The following APBB2 variants were observed in gnomAD, a reference collection of about 807,000 sequenced individuals.
APBB2 encodes amyloid beta precursor protein binding family B member 2, also known as Fe65-like 1.
In APBB2, 38 loss-of-function variants were observed where a neutral mutation model predicts 82.5. The ratio of observed to expected loss-of-function variants is 0.46; its 90% CI spans 0.36 to 0.60. APBB2 has a LOEUF of 0.60. APBB2 is among the 20% of genes least tolerant of loss of function. The pLI is 0.00. For missense variants in APBB2, 772 were observed against 972.3 expected (o/e 0.79, Z 2.74); for synonymous variants, 341 against 368.2 (o/e 0.93, Z 0.85).
intron 4 of APBB2, among the ~76,000 whole-genome samples, chr4:41,062,715 C>T (rs1471113980): frequency 6.6e-6 from 1 of 152,116 alleles, no homozygotes; most frequent in African/African-American, 2.4e-5. Flanking sequence ...TCTCCCTCCA[C>T]CAGAAAAAAG....
intron 6 of APBB2, among the ~76,000 whole-genome samples, chr4:40,997,829 A>T (rs1804063552): frequency 6.6e-6 from 1 of 152,148 alleles, no homozygotes; most frequent in Non-Finnish European, 1.5e-5. Flanking sequence ...AAAATTATTA[A>T]TTTTATTAAA....
intron 5 of APBB2, among the ~76,000 whole-genome samples, chr4:41,025,368 G>A (rs968665983): frequency 1.3e-5 from 2 of 152,046 alleles, no homozygotes; most frequent in Non-Finnish European, 2.9e-5. Context: ...AGATGCTGGT[G>A]AGATTGCGGA....
intron 1 of APBB2, among the ~76,000 whole-genome samples, chr4:41,202,601 C>A (rs937432001): frequency 3.3e-5 from 5 of 151,994 alleles, no homozygotes; most frequent in Non-Finnish European, 7.4e-5. Context: ...TGGCTTTATG[C>A]AAACAAATTT....
chr4:41,048,818 G>A (rs1432084435), intron 4 of APBB2, among the ~76,000 whole-genome samples: 4 of 149,116 alleles, frequency 2.7e-5, no homozygotes, highest in East Asian at 1.9e-4. Context: ...GATTGCAGGC[G>A]CGCGCTGCCA....
At chr4:40,978,806 A>AT (rs1797799921) in intron 6 of APBB2, among the ~76,000 whole-genome samples, 1 of 152,222 alleles carries the variant, frequency 6.6e-6, no homozygotes, top group South Asian at 2.1e-4. Flanking sequence ...TTCAGTTAGT[A>AT]ACTAATTCGT....
In APBB2 at chr4:40,828,982, G is replaced by A. The variant is rs1750922755; in HGVS notation, c.1644+1481C>T. Among the ~76,000 whole-genome samples the A allele has an allele frequency of 5.3e-5, 8 of 152,272 alleles. No individual in the cohort carries two copies. The South Asian group carries it at 1.7e-3, about 32-fold the overall frequency. On this transcript the variant is annotated intron_variant, in intron 13 of 17. Transcript: ENST00000508593. Reference sequence around the variant, plus strand: ...GTCTTGACGGCTCAGGAAGAATTGTGGGAGTGAGGCTGGGTTATGATGTCA... The same window carrying A: ...GTCTTGACGGCTCAGGAAGAATTGTAGGAGTGAGGCTGGGTTATGATGTCA...
chr4:40,819,668 C>T (rs1747123235), intron 17 of APBB2, among the ~76,000 whole-genome samples: 1 of 152,070 alleles, frequency 6.6e-6, no homozygotes, highest in South Asian at 2.1e-4. Context: ...CCTCTCCTGT[C>T]CTGAAATAAA....
At chr4:41,160,525 G>A (rs369435531) in intron 1 of APBB2, among the ~76,000 whole-genome samples, 17 of 152,136 alleles carry the variant, frequency 1.1e-4, no homozygotes, top group Admixed American at 7.9e-4. Flanking sequence ...TTCAAGATAC[G>A]GCTCCACCAC....
intron 12 of APBB2, among the ~76,000 whole-genome samples, chr4:40,882,517 G>C (rs755272715): frequency 6.6e-6 from 1 of 152,246 alleles, no homozygotes; most frequent in Non-Finnish European, 1.5e-5. Context: ...ACTGGATTCA[G>C]AACTGATGCA....
chr4:40,937,016 G>A (rs1312527556), intron 7 of APBB2, among the ~76,000 whole-genome samples: 1 of 152,174 alleles, frequency 6.6e-6, no homozygotes, highest in African/African-American at 2.4e-5. Context: ...GATGTGAGAT[G>A]AGGACCTGAA....
chr4:41,095,872 T>A (rs140163464), intron 3 of APBB2, among the ~76,000 whole-genome samples: 35 of 152,330 alleles, frequency 2.3e-4, no homozygotes, highest in African/African-American at 7.9e-4. Flanking sequence ...TGGATGGCTA[T>A]TTATTGTTTA....
At chr4:40,881,885 A>G (rs1768727925) in intron 12 of APBB2, among the ~76,000 whole-genome samples, 1 of 152,060 alleles carries the variant, frequency 6.6e-6, no homozygotes, top group Non-Finnish European at 1.5e-5. Context: ...CCTTTATCAC[A>G]GACAATTTCT....
chr4:41,182,276 A>C (rs1398630567), intron 1 of APBB2, among the ~76,000 whole-genome samples: 1 of 152,180 alleles, frequency 6.6e-6, no homozygotes, highest in Non-Finnish European at 1.5e-5. Flanking sequence ...AAGATCACCA[A>C]TGACCTCCAT....
chr4:40,850,387 C>A (rs1181801907), intron 12 of APBB2, among the ~76,000 whole-genome samples: 1 of 152,188 alleles, frequency 6.6e-6, no homozygotes, highest in African/African-American at 2.4e-5. Flanking sequence ...TGTAGAAATA[C>A]CCCAAAGACC....
intron 10 of APBB2, among the ~76,000 whole-genome samples, chr4:40,929,247 GGAAA>G (rs1445679353): frequency 1.3e-5 from 2 of 152,038 alleles, no homozygotes; most frequent in Non-Finnish European, 2.9e-5. Flanking sequence ...AGCCAGGAAT[GGAAA>G]GAAAGAGAGT....
chr4:41,000,087 G>GTA (rs1804793825), intron 6 of APBB2, among the ~76,000 whole-genome samples: 1 of 140,526 alleles, frequency 7.1e-6, no homozygotes, highest in South Asian at 2.3e-4. Flanking sequence ...GTGTGTGTGT[G>GTA]TGTGTGTGTG....
intron 7 of APBB2, among the ~76,000 whole-genome samples, chr4:40,942,879 G>A (rs1050501183): frequency 2.1e-4 from 32 of 152,290 alleles, no homozygotes; most frequent in African/African-American, 7.0e-4. Flanking sequence ...CCCAAATCAC[G>A]GAAACAAAAG....
chr4:40,956,459 G>C (rs941995077), intron 6 of APBB2, among the ~76,000 whole-genome samples: 1 of 152,178 alleles, frequency 6.6e-6, no homozygotes. Flanking sequence ...TGGAGGGGAG[G>C]AAAGCCTGCC....
intron 6 of APBB2, among the ~76,000 whole-genome samples, chr4:40,976,781 G>A (rs1458444931): frequency 2.0e-5 from 3 of 152,156 alleles, no homozygotes; most frequent in Non-Finnish European, 4.4e-5. Flanking sequence ...GCTCATGCCT[G>A]TAATTCCAGC....
Sources: allele counts gnomAD v4.1 joint callset (sites outside exome capture counted in the v4.1 genomes callset), GRCh38; gene constraint gnomAD v4.1.1; transcripts MANE v1.5; gene names NCBI Gene and HGNC (gene_info 2026-07-23, HGNC 2026-07-21).